The following PUDP variants were observed in gnomAD, a reference collection of about 807,000 sequenced individuals.
PUDP encodes the protein pseudouridine-5'-phosphatase.
PUDP carries 8 observed loss-of-function variants against 9.4 expected under a neutral mutation model. That is an observed-to-expected ratio of 0.85 (90% CI 0.50 to 1.53). PUDP has a LOEUF of 1.53. Ranked by LOEUF, PUDP falls within the 40% of genes most tolerant of loss-of-function variation. The pLI is 0.00. For synonymous variants in PUDP, 99 were observed against 80.7 expected, an observed-to-expected ratio of 1.23 and a Z score of -1.22; for missense variants, 188 against 189.7, an observed-to-expected ratio of 0.99 and a Z score of 0.05.
At chrX:7,136,368 G>A (rs1392395133) in intron 1 of PUDP, among the ~76,000 whole-genome samples, 8 of 112,004 alleles carry the variant, frequency 7.1e-5, no homozygotes, top group African/African-American at 2.0e-4. Context: ...CTGAAGGCCC[G>A]TTTGCCTCTG....
intron 3 of PUDP, among the ~76,000 whole-genome samples, chrX:6,957,318 C>T (rs1371922662): frequency 7.2e-5 from 8 of 110,424 alleles, no homozygotes; most frequent in Non-Finnish European, 1.5e-4. Context: ...GCCATGAAGG[C>T]TCTGCCCTTA....
At chrX:6,988,433 G>A (rs944830954) in intron 1 of PUDP, among the ~76,000 whole-genome samples, 1 of 112,107 alleles carries the variant, frequency 8.9e-6, no homozygotes, top group Non-Finnish European at 1.9e-5. Flanking sequence ...AGAAGACCTA[G>A]AAATTATCAC....
chrX:6,771,162 C>T (rs1386835723), intron 3 of PUDP, among the ~76,000 whole-genome samples: 3 of 111,540 alleles, frequency 2.7e-5, no homozygotes, highest in African/African-American at 6.5e-5. Flanking sequence ...GGGAATTGCA[C>T]AGTCACAGGA....
chrX:6,811,595 G>A (rs1926144807), intron 3 of PUDP, among the ~76,000 whole-genome samples: 1 of 108,975 alleles, frequency 9.2e-6, no homozygotes, highest in Admixed American at 9.8e-5. Flanking sequence ...GATTACAGGT[G>A]TGACAGGTGT....
At chrX:6,817,008 T>G (rs1926258541) in intron 3 of PUDP, among the ~76,000 whole-genome samples, 1 of 96,452 alleles carries the variant, frequency 1.0e-5, no homozygotes, top group South Asian at 4.6e-4. Context: ...ATATAATATA[T>G]ATACACATAT....
chrX:7,088,045 G>A (rs1730188638), intron 2 of PUDP, among the ~76,000 whole-genome samples: 2 of 111,919 alleles, frequency 1.8e-5, no homozygotes, highest in South Asian at 7.5e-4. Context: ...AAGCCAGGGA[G>A]GGCAATTCAA....
intron 3 of PUDP, among the ~76,000 whole-genome samples, chrX:6,822,586 C>A (rs977798110): frequency 6.3e-5 from 7 of 111,759 alleles, no homozygotes; most frequent in African/African-American, 2.3e-4. Context: ...GCTACCATGC[C>A]TGGCTAATTT....
chrX:6,821,749 T>C (rs1432108625), intron 3 of PUDP, among the ~76,000 whole-genome samples: 1 of 112,275 alleles, frequency 8.9e-6, no homozygotes, highest in Non-Finnish European at 1.9e-5. Flanking sequence ...GCTGCAAGTT[T>C]GCATGGGTGA....
intron 1 of PUDP, among the ~76,000 whole-genome samples, chrX:7,140,847 T>C (rs746064164): frequency 9.5e-4 from 107 of 112,425 alleles, no homozygotes; most frequent in Non-Finnish European, 1.6e-3. Flanking sequence ...GTGACGTGTC[T>C]GTGTCACGTT....
At chrX:6,963,180 A>G (rs1364791232) in intron 3 of PUDP, among the ~76,000 whole-genome samples, 2 of 112,369 alleles carry the variant, frequency 1.8e-5, no homozygotes, top group African/African-American at 6.5e-5. Flanking sequence ...CATCACCATC[A>G]CAGTCAGCTG....
At chrX:7,115,638 T>C (rs375335008) in intron 1 of PUDP, among the ~76,000 whole-genome samples, 27 of 112,406 alleles carry the variant, frequency 2.4e-4, no homozygotes, top group East Asian at 2.0e-3. Flanking sequence ...TTTTTGACCT[T>C]CTTAACCAGC....
intron 1 of PUDP, 43 bp from the exon 2 acceptor site, chrX:7,105,881 G>T: frequency 2.2e-6 from 2 of 927,794 alleles, no homozygotes; most frequent in South Asian, 2.3e-5. Flanking sequence ...CATACTGTAT[G>T]AACAGTAAGT....
intron 3 of PUDP, among the ~76,000 whole-genome samples, chrX:6,937,066 C>T (rs74805241): frequency 3.8e-5 from 4 of 104,245 alleles, no homozygotes; most frequent in Non-Finnish European, 3.9e-5. Context: ...CCAAGGTAAT[C>T]TACAGATTCA....
intron 3 of PUDP, among the ~76,000 whole-genome samples, chrX:6,781,126 C>T (rs1925553718): frequency 9.1e-6 from 1 of 110,115 alleles, no homozygotes; most frequent in Non-Finnish European, 1.9e-5. Context: ...TACTCATTGG[C>T]CAAGCTACAC....
intron 3 of PUDP, among the ~76,000 whole-genome samples, chrX:6,735,153 T>A (rs751639246): frequency 4.4e-4 from 49 of 112,210 alleles, no homozygotes; most frequent in Non-Finnish European, 7.1e-4. Flanking sequence ...TTTCCTGTAC[T>A]CCTCACAACA....
chrX:7,033,660 G>A (rs1007547793), intron 1 of PUDP, among the ~76,000 whole-genome samples: 1 of 111,229 alleles, frequency 9.0e-6, no homozygotes, highest in African/African-American at 3.3e-5. Context: ...TCATGGTCTA[G>A]GGGTTGGAGA....
chrX:7,048,012 T>C (rs1379956417), downstream of PUDP, among the ~76,000 whole-genome samples: 1 of 112,245 alleles, frequency 8.9e-6, no homozygotes. Context: ...GCCGATTCTT[T>C]CAAGTATAAG....
At chrX:7,000,583 T>C (rs1447162456) in intron 1 of PUDP, among the ~76,000 whole-genome samples, 1 of 108,498 alleles carries the variant, frequency 9.2e-6, no homozygotes, top group Non-Finnish European at 1.9e-5. Context: ...AACAAATACA[T>C]TTATAAAATA....
chrX:6,973,691 G>A (rs1453522847), intron 3 of PUDP, among the ~76,000 whole-genome samples: 1 of 111,692 alleles, frequency 9.0e-6, no homozygotes, highest in African/African-American at 3.3e-5. Flanking sequence ...GTTGATTTGG[G>A]GTGGAGAGTT....
Sources: allele counts gnomAD v4.1 joint callset (sites outside exome capture counted in the v4.1 genomes callset), GRCh38; gene constraint gnomAD v4.1.1; transcripts MANE v1.5; gene names NCBI Gene and HGNC (gene_info 2026-07-23, HGNC 2026-07-21).